Variants in BPIFC observed in about 807,000 individuals in gnomAD.
The protein encoded by BPIFC is BPI fold containing family C, also known as BPI fold-containing family C protein.
A neutral mutation model predicts 57.6 loss-of-function variants in BPIFC; 60 were observed. The ratio of observed to expected loss-of-function variants is 1.04; its 90% CI spans 0.85 to 1.29. The LOEUF is 1.29. Ranked by LOEUF, BPIFC falls within the 50% of genes most tolerant of loss-of-function variation. The pLI, the probability that BPIFC is intolerant of heterozygous loss-of-function variation, is 0.00. For synonymous variants in BPIFC, 243 were observed against 224.5 expected (o/e 1.08, Z -0.74); for missense variants, 581 against 600.5 (o/e 0.97, Z 0.34).
At chr22:32,444,702 G>A (rs1934665544) in intron 7 of BPIFC, among the ~76,000 whole-genome samples, 1 of 152,084 alleles carries the variant, frequency 6.6e-6, no homozygotes, top group Non-Finnish European at 1.5e-5. Flanking sequence ...TGTATGTCCT[G>A]GAAATACCTC....
chr22:32,442,647 G>A (rs929236936), intron 8 of BPIFC, 24 bp downstream of exon 8: 2 of 1,608,320 alleles, frequency 1.2e-6, no homozygotes, highest in East Asian at 4.5e-5. Flanking sequence ...ACAACCATCT[G>A]GAAAAGACAG....
intron 13 of BPIFC, among the ~76,000 whole-genome samples, chr22:32,421,464 G>A (rs1173000751): frequency 6.6e-6 from 1 of 152,106 alleles, no homozygotes; most frequent in Non-Finnish European, 1.5e-5. Context: ...CAGGTCTAGA[G>A]CCCTACTTCT....
At chr22:32,434,082 T>TTTTA (rs1556040082) in intron 10 of BPIFC, among the ~76,000 whole-genome samples, 5 of 147,300 alleles carry the variant, frequency 3.4e-5, no homozygotes, top group Middle Eastern at 3.7e-3. Context: ...AAAGTTTTAG[T>TTTTA]TATATATATA....
intron 15 of BPIFC, 73 bp downstream of exon 15, chr22:32,417,012 C>A: frequency 8.0e-7 from 1 of 1,245,548 alleles, no homozygotes; most frequent in Non-Finnish European, 1.2e-6. Flanking sequence ...CCCAAACAAT[C>A]CCCAGTGCAG....
At chr22:32,428,824 G>A (rs894916247) in intron 13 of BPIFC, among the ~76,000 whole-genome samples, 8 of 151,992 alleles carry the variant, frequency 5.3e-5, no homozygotes, top group Non-Finnish European at 8.8e-5. Context: ...ACTTGAACCC[G>A]GGAGGCGGAG....
At chr22:32,438,838 G>A (rs992886673) in intron 8 of BPIFC, among the ~76,000 whole-genome samples, 4 of 151,870 alleles carry the variant, frequency 2.6e-5, no homozygotes, top group South Asian at 2.1e-4. Flanking sequence ...TTAACAAGGA[G>A]TATGCTTTAC....
chr22:32,462,654 C>T (rs754871362), intron 1 of BPIFC, among the ~76,000 whole-genome samples: 6 of 152,306 alleles, frequency 3.9e-5, no homozygotes, highest in Non-Finnish European at 5.9e-5. Context: ...TCTGATGACT[C>T]GTCCAAGATC....
chr22:32,420,523 G>A (rs1211507005), intron 13 of BPIFC, among the ~76,000 whole-genome samples: 1 of 152,102 alleles, frequency 6.6e-6, no homozygotes, highest in Non-Finnish European at 1.5e-5. Flanking sequence ...AGCTAAGAAA[G>A]CTATCTGATG....
intron 14 of BPIFC, 97 bp downstream of exon 14, chr22:32,419,263 GGA>G: frequency 7.9e-7 from 1 of 1,272,886 alleles, no homozygotes; most frequent in South Asian, 1.4e-5. Flanking sequence ...GAGGAATCAA[GGA>G]CTCCAAGTCA....
At chr22:32,463,267 A>G (rs1359195893) in intron 1 of BPIFC, among the ~76,000 whole-genome samples, 1 of 152,196 alleles carries the variant, frequency 6.6e-6, no homozygotes, top group Non-Finnish European at 1.5e-5. Context: ...CTAAAAGGTT[A>G]AGTAATTTGG....
chr22:32,422,126 A>AGCAAGAAAT (rs1411004234), intron 13 of BPIFC, among the ~76,000 whole-genome samples: 2 of 152,178 alleles, frequency 1.3e-5, no homozygotes, highest in Non-Finnish European at 2.9e-5. Flanking sequence ...TTATCCTCAG[A>AGCAAGAAAT]GCAAGAAATC....
chr22:32,424,753 C>T (rs5998481), intron 13 of BPIFC, among the ~76,000 whole-genome samples: 1,472 of 35,198 alleles, frequency 0.042, 278 homozygotes, highest in East Asian at 0.24. Context: ...CTTCTTCTTC[C>T]TCTTCTTCTT....
chr22:32,435,579 T>G lies in BPIFC; in HGVS notation c.924+125A>C, dbSNP rs191771821. 75 of 932,640 alleles carry G rather than the reference T, an allele frequency of 8.0e-5. No homozygotes were observed. The African/African-American group carries it at 1.2e-3, about 15-fold the overall frequency. 57.8% of individuals were successfully genotyped at this position (932,640 alleles called of 1,614,324 possible). ...ACAATTCCCTCATTCCTTCACTGTC[T>G]TGCTGGGAGTGATAGCCTAAAAAGG... On this transcript the variant is annotated intron_variant, in intron 10 of 16. Transcript: ENST00000300399.
chr22:32,450,950 C>T (rs1033979617), intron 4 of BPIFC, among the ~76,000 whole-genome samples: 2 of 152,164 alleles, frequency 1.3e-5, no homozygotes, highest in African/African-American at 4.8e-5. Flanking sequence ...TTGTTCCAAA[C>T]ATACTTAAAA....
At chr22:32,442,839 T>C (rs1568953099) in intron 7 of BPIFC, 108 bp from the exon 8 acceptor site, 1 of 1,032,480 alleles carries the variant, frequency 9.7e-7, no homozygotes, top group South Asian at 1.4e-5. Context: ...TAGCAGTCAT[T>C]ATCCCTTTGG....
At chr22:32,442,756 A>C (rs1427298058) in intron 7 of BPIFC, 25 bp from the exon 8 acceptor site, 1 of 1,608,322 alleles carries the variant, frequency 6.2e-7, no homozygotes, top group East Asian at 2.2e-5. Flanking sequence ...ATAAAAAGAA[A>C]AAAGCAAGTT....
intron 5 of BPIFC, 132 bp downstream of exon 5, chr22:32,447,080 A>T: frequency 7.8e-7 from 1 of 1,288,532 alleles, no homozygotes; most frequent in African/African-American, 1.5e-5. Context: ...CCTGGAAAAA[A>T]ATGCTTTTGA....
chr22:32,443,197 T>G lies in BPIFC; in HGVS notation c.595-466A>C, dbSNP rs186133163. ...TTTTTTTTTTGAGACGAAGTCTCGC[T>G]CTGTCACCCAGGCTGGAGTGCAGTG... On this transcript the variant is annotated intron_variant, in intron 7 of 16. Coordinates refer to ENST00000300399, the MANE Select transcript of BPIFC (RefSeq NM_174932.3). Among the ~76,000 whole-genome samples, 456 of 147,824 alleles carry G rather than the reference T, an allele frequency of 3.1e-3. 1 individual carries two copies. Among genetic ancestry groups the G allele is most frequent in the African/African-American group, 0.011 (420 of 39,958 alleles).
chr22:32,419,398 GC>G lies in BPIFC; in HGVS notation c.1223del (p.Arg408ProfsTer15). ...TGCGATTGGACTCTGGCAAAGCAAG[GC>G]GGAATCTAAAAGAAAACAAGAAAAG... The part of the protein sequence containing the change: ...LVCSLSLNRF[R>X]LALPESNRSN... On this transcript the variant is annotated frameshift_variant, in exon 14 of 17. Coordinates refer to ENST00000300399, the MANE Select transcript of BPIFC (RefSeq NM_174932.3). LOFTEE classifies it high-confidence loss of function. The G allele has an allele frequency of 6.2e-7, 1 of 1,613,672 alleles. No individual in the cohort carries two copies. The highest frequency in any genetic ancestry group is 8.5e-7 in the Non-Finnish European group (1 of 1,179,724).
Sources: gnomAD v4.1 joint callset for allele counts (sites outside exome capture counted in the v4.1 genomes callset) on GRCh38, gnomAD v4.1.1 for gene constraint, MANE v1.5 for transcripts, NCBI Gene and HGNC (gene_info 2026-07-23, HGNC 2026-07-21) for gene names.